QRFPR: variants seen among roughly 807,000 people sequenced by gnomAD.
The protein encoded by QRFPR is pyroglutamylated RFamide peptide receptor, also known as pyroglutamylated RF-amide peptide receptor.
In QRFPR, 37 loss-of-function variants were observed where a neutral mutation model predicts 31.3. That is an observed-to-expected ratio of 1.18 (90% CI 0.91 to 1.56). QRFPR has a LOEUF of 1.56. Ranked by LOEUF, QRFPR falls within the 40% of genes most tolerant of loss-of-function variation. QRFPR has a pLI of 0.00. For synonymous variants in QRFPR, 197 were observed against 192.0 expected (o/e 1.03, Z -0.22); for missense variants, 542 against 532.5 (o/e 1.02, Z -0.18).
rs1367553984 is a variant in QRFPR, at chr4:121,378,573, C to G, written c.340+1735G>C. Among the ~76,000 whole-genome samples the G allele has an allele frequency of 1.6e-4, 25 of 151,900 alleles. 1 individual carries two copies. On this transcript the variant is annotated intron_variant, in intron 1 of 5. Transcript: ENST00000394427. ...GGACTATAGGTGCGTGCCACGATGC[C>G]CGGCTAATTTTTTGTTGTTGTTTGT...
intron 1 of QRFPR, among the ~76,000 whole-genome samples, chr4:121,340,955 A>C (rs1238039617): frequency 6.6e-6 from 1 of 152,232 alleles, no homozygotes; most frequent in Admixed American, 6.5e-5. Flanking sequence ...TACACTACAA[A>C]GTAATCTTTG....
chr4:121,341,203 T>C (rs1174987251), intron 1 of QRFPR, among the ~76,000 whole-genome samples: 1 of 152,214 alleles, frequency 6.6e-6, no homozygotes, highest in East Asian at 1.9e-4. Flanking sequence ...TACACAATAG[T>C]TTAAAATATT....
intron 1 of QRFPR, among the ~76,000 whole-genome samples, chr4:121,352,594 A>T (rs1225782529): frequency 6.6e-6 from 1 of 152,064 alleles, no homozygotes; most frequent in African/African-American, 2.4e-5. Context: ...AATTATAATG[A>T]ATACATAATG....
In QRFPR at chr4:121,340,474, G is replaced by A. The variant is rs1725521184; in HGVS notation, c.477C>T (p.Asn159=). ...CACCTAGCATTGTGAAAGCCCTTCGGTTGGTGTATTGCCACTTCATTTTAA... is the reference window on the plus strand; with the variant it reads ...CACCTAGCATTGTGAAAGCCCTTCGATTGGTGTATTGCCACTTCATTTTAA... ...HPFKMKWQYT[N]RRAFTMLGVV... is the part of the protein sequence containing the mutation. The change falls in exon 2 of 6, where the codon AAC becomes AAT. Residue 159 remains asparagine (N), a synonymous_variant. Coordinates refer to ENST00000394427, the MANE Select transcript of QRFPR (RefSeq NM_198179.3). 1.2e-6 allele frequency: 2 copies of A among 1,614,014 alleles called. No individual in the cohort carries two copies. The highest frequency in any genetic ancestry group is 1.7e-6 in the Non-Finnish European group (2 of 1,179,946).
chr4:121,347,286 G>C (rs1413679367), intron 1 of QRFPR, among the ~76,000 whole-genome samples: 3 of 152,154 alleles, frequency 2.0e-5, no homozygotes, highest in Non-Finnish European at 4.4e-5. Context: ...ATAGGTGCCT[G>C]CCTATTTCCC....
chr4:121,345,470 C>T (rs1208561480), intron 1 of QRFPR, among the ~76,000 whole-genome samples: 1 of 152,148 alleles, frequency 6.6e-6, no homozygotes, highest in Non-Finnish European at 1.5e-5. Flanking sequence ...TCTTTTGCTA[C>T]CTTATTCTCT....
chr4:121,358,872 T>C (rs1421869593), intron 1 of QRFPR, among the ~76,000 whole-genome samples: 2 of 152,206 alleles, frequency 1.3e-5, no homozygotes, highest in African/African-American at 2.4e-5. Context: ...ACTGATCTAA[T>C]AAGCATTAAC....
intron 1 of QRFPR, among the ~76,000 whole-genome samples, chr4:121,356,074 C>A (rs1223240727): frequency 6.6e-6 from 1 of 152,064 alleles, no homozygotes; most frequent in Non-Finnish European, 1.5e-5. Flanking sequence ...ATTAGATCCA[C>A]TTGATCTATA....
chr4:121,369,925 C>G, intron 1 of QRFPR: 1 of 772,316 alleles, frequency 1.3e-6, no homozygotes, highest in Non-Finnish European at 2.4e-6. Flanking sequence ...ACTTGGTCTT[C>G]TGAGTGGTGA....
At chr4:121,371,488 G>C (rs973518242) in intron 1 of QRFPR, among the ~76,000 whole-genome samples, 3 of 152,176 alleles carry the variant, frequency 2.0e-5, no homozygotes, top group African/African-American at 7.2e-5. Context: ...GGAATTGGCA[G>C]CCTGGAAGTT....
intron 1 of QRFPR, among the ~76,000 whole-genome samples, chr4:121,342,393 T>C (rs920857446): frequency 2.6e-5 from 4 of 152,118 alleles, no homozygotes; most frequent in Non-Finnish European, 4.4e-5. Flanking sequence ...TCCCTCATAA[T>C]TAATCTCTCC....
intron 1 of QRFPR, among the ~76,000 whole-genome samples, chr4:121,358,168 A>T (rs1022816020): frequency 1.3e-5 from 2 of 152,340 alleles, no homozygotes; most frequent in Admixed American, 6.5e-5. Flanking sequence ...GACAAAAGAA[A>T]ACCATGCCTT....
chr4:121,380,193 GAGAGAGA>G, intron 1 of QRFPR, 108 bp downstream of exon 1: 1 of 188,606 alleles, frequency 5.3e-6, no homozygotes, highest in Non-Finnish European at 8.9e-6. Context: ...AGAGGAGAGA[GAGAGAGA>G]GAGAGAGAGA....
Position 121,380,709 on chromosome 4 carries a change from G to A in QRFPR, c.-62C>T. 7.1e-7 allele frequency: 1 copy of A among 1,417,118 alleles called. No individual in the cohort carries two copies. Among genetic ancestry groups the A allele is most frequent in the Non-Finnish European group, 9.4e-7 (1 of 1,065,824 alleles). The allele number at this position is 1,417,118 out of a possible 1,614,324, so 87.8% of individuals were successfully genotyped here. On this transcript the variant is annotated 5_prime_UTR_variant, in exon 1 of 6. Coordinates refer to ENST00000394427, the MANE Select transcript of QRFPR (RefSeq NM_198179.3). ...TACTGGCTGGCCATCCGCATCTGCGGGGCAGCGAGGGCTTCGGGGGACCAG... is the reference window on the plus strand; with the variant it reads ...TACTGGCTGGCCATCCGCATCTGCGAGGCAGCGAGGGCTTCGGGGGACCAG...
intron 2 of QRFPR, among the ~76,000 whole-genome samples, chr4:121,338,306 G>A (rs1207060883): frequency 6.6e-6 from 1 of 151,980 alleles, no homozygotes. Flanking sequence ...ATAGCTCATT[G>A]ACTACCTTCC....
chr4:121,331,530 C>G (rs1380303483), intron 4 of QRFPR, among the ~76,000 whole-genome samples: 1 of 151,554 alleles, frequency 6.6e-6, no homozygotes, highest in Non-Finnish European at 1.5e-5. Context: ...AACTAATTTT[C>G]TCCATGACTT....
chr4:121,354,466 A>AT (rs144479067), intron 1 of QRFPR, among the ~76,000 whole-genome samples: 3,519 of 151,854 alleles, frequency 0.023, 53 homozygotes, highest in South Asian at 0.04. Context: ...GTCTTTAGAT[A>AT]TTTTTTAAAT....
At chr4:121,374,447 A>G (rs1424607724) in intron 1 of QRFPR, among the ~76,000 whole-genome samples, 1 of 152,210 alleles carries the variant, frequency 6.6e-6, no homozygotes, top group Non-Finnish European at 1.5e-5. Context: ...CAGCATTTAC[A>G]CTACATCAAT....
At position 121,380,630 on chromosome 4, in the gene QRFPR, A is replaced by T. The variant is rs1726474602; in HGVS notation, c.18T>A (p.Ile6=). The change falls in exon 1 of 6, where the codon ATT becomes ATA. Residue 6 remains isoleucine, a synonymous_variant. Transcript: ENST00000394427. MQALN[I]TPEQFSRLLR... ...GCAGCCGAGAGAACTGCTCCGGGGTAATGTTAAGCGCCTGCATTGCTGTGC... is the reference window on the plus strand; with the variant it reads ...GCAGCCGAGAGAACTGCTCCGGGGTTATGTTAAGCGCCTGCATTGCTGTGC... 6.4e-7 allele frequency: 1 copy of T among 1,574,640 alleles called. No individual in the cohort carries two copies. Among genetic ancestry groups the T allele is most frequent in the Admixed American group, 1.8e-5 (1 of 56,398 alleles).
Sources: allele counts gnomAD v4.1 joint callset (sites outside exome capture counted in the v4.1 genomes callset), GRCh38; gene constraint gnomAD v4.1.1; transcripts MANE v1.5; gene names NCBI Gene and HGNC (gene_info 2026-07-23, HGNC 2026-07-21).